The following UPF1 variants were observed in gnomAD, a reference collection of about 807,000 sequenced individuals.
UPF1 encodes the protein regulator of nonsense transcripts 1.
UPF1 carries 9 observed loss-of-function variants against 129.2 expected under a neutral mutation model. That is an observed-to-expected ratio of 0.07 (90% CI 0.04 to 0.12). The LOEUF (loss-of-function observed/expected upper bound fraction) is 0.12, where lower values mean the gene tolerates loss of function less well. UPF1 is among the 10% of genes least tolerant of loss of function. The pLI is 1.00. For missense variants in UPF1, 788 were observed against 1,525.3 expected (o/e 0.52, Z 8.05); for synonymous variants, 649 against 644.9 (o/e 1.01, Z -0.10).
Position 18,865,170 on chromosome 19 carries a change from G to A in UPF1, c.2858-119G>A. 7.7e-7 allele frequency: 1 copy of A among 1,298,834 alleles called. No individual in the cohort carries two copies. Among genetic ancestry groups the A allele is most frequent in the Middle Eastern group, 2.0e-4 (1 of 4,916 alleles). 80.5% of individuals were successfully genotyped at this position (1,298,834 alleles called of 1,614,324 possible). On this transcript the variant is annotated intron_variant, in intron 20 of 23. Coordinates refer to ENST00000262803, the MANE Select transcript of UPF1 (RefSeq NM_002911.4). This position sits in a 1 kb window ranked among gnomAD's most constrained non-coding sequence, Gnocchi z 6.1. Reference sequence around the variant, plus strand: ...GGAGTCCTGCGAATCCGCATCTTCAGCCTGGGCAGAGCCAGGACAGATGTG... The same window carrying A: ...GGAGTCCTGCGAATCCGCATCTTCAACCTGGGCAGAGCCAGGACAGATGTG...
chr19:18,854,969 C>T lies in UPF1; in HGVS notation c.1356C>T (p.Asp452=), dbSNP rs781638590. Residue 452 remains aspartate, a synonymous_variant, in exon 10 of 24, where the codon GAC becomes GAT. Coordinates refer to ENST00000262803, the MANE Select transcript of UPF1 (RefSeq NM_002911.4). ...AGCTGTTGGGCCACGAGGTGGAGGA[C>T]GTAATCATCAAGTGCCAGCTGCCCA... ...YHKLLGHEVE[D]VIIKCQLPKR... 31 of 1,614,114 alleles carry T rather than the reference C, an allele frequency of 1.9e-5. No individual in the cohort carries two copies. The highest frequency in any genetic ancestry group is 1.8e-4 in the East Asian group (8 of 44,902).
At chr19:18,855,785 C>T (rs2145958952) in intron 11 of UPF1, 140 bp from the exon 12 acceptor site, 2 of 1,201,138 alleles carry the variant, frequency 1.7e-6, no homozygotes, top group East Asian at 5.2e-5. Flanking sequence ...GATGTTGAGG[C>T]TGCAATTAGC....
intron 15 of UPF1, among the ~76,000 whole-genome samples, chr19:18,857,967 G>C (rs2055736877): frequency 6.6e-6 from 1 of 152,140 alleles, no homozygotes; most frequent in Non-Finnish European, 1.5e-5. Flanking sequence ...TTTTCACTCT[G>C]CTGACGCTCA....
chr19:18,863,240 ATCAACCCGTGTGCAGGG>A (rs2055801212), intron 18 of UPF1, 181 bp from the exon 19 acceptor site: 1 of 646,584 alleles, frequency 1.5e-6, no homozygotes, highest in African/African-American at 1.8e-5. Flanking sequence ...CGGCCACAAA[ATCAACCCGTGTGCAGGG>A]TCAGTGGCTT....
intron 18 of UPF1, 179 bp from the exon 19 acceptor site, chr19:18,863,259 C>T (rs2055801531): frequency 1.4e-6 from 1 of 739,930 alleles, no homozygotes. Flanking sequence ...TGTGCAGGGT[C>T]AGTGGCTTGG....
chr19:18,845,896 A>G, intron 1 of UPF1, 84 bp from the exon 2 acceptor site: 2 of 1,526,956 alleles, frequency 1.3e-6, no homozygotes, highest in South Asian at 1.3e-5. Flanking sequence ...CCAGGGTGTC[A>G]CACCAGAGTC....
At chr19:18,837,131 C>G (rs958477009) in intron 1 of UPF1, among the ~76,000 whole-genome samples, 2 of 151,976 alleles carry the variant, frequency 1.3e-5, no homozygotes, top group African/African-American at 4.8e-5. Flanking sequence ...ATTCTGTCAC[C>G]CAGGCTGTAG....
intron 18 of UPF1, 82 bp from the exon 19 acceptor site, chr19:18,863,356 T>G: frequency 6.5e-7 from 1 of 1,541,088 alleles, no homozygotes; most frequent in African/African-American, 1.4e-5. Flanking sequence ...GGGTTCTGAG[T>G]GAATGCAGCC....
At position 18,853,200 on chromosome 19, in the gene UPF1, G is replaced by C; in HGVS notation, c.1058-52G>C. Reference sequence around the variant, plus strand: ...CCCTTAATTTGAACTCTCCCTGGTGGAAGCGACGGCGTGGGTTAAAATGGC... The same window carrying C: ...CCCTTAATTTGAACTCTCCCTGGTGCAAGCGACGGCGTGGGTTAAAATGGC... On this transcript the variant is annotated intron_variant, in intron 7 of 23. Coordinates refer to ENST00000262803, the MANE Select transcript of UPF1 (RefSeq NM_002911.4). This position sits in a 1 kb window ranked among gnomAD's most constrained non-coding sequence, Gnocchi z 4.4. The C allele has an allele frequency of 1.9e-6, 3 of 1,598,098 alleles. No individual in the cohort carries two copies. The East Asian group carries it at 6.7e-5, about 36-fold the overall frequency.
chr19:18,860,777 C>A (rs749025240), intron 16 of UPF1, 49 bp from the exon 17 acceptor site: 5 of 1,604,360 alleles, frequency 3.1e-6, no homozygotes, highest in Non-Finnish European at 4.3e-6. Flanking sequence ...AGCCTCAGGG[C>A]TCGGGATCCC....
rs369521945 is a variant in UPF1 at position 18,864,166 on chromosome 19, G to T, written c.2776-4G>T. 2 of 1,613,678 alleles carry T rather than the reference G, an allele frequency of 1.2e-6. No homozygotes were observed. Among genetic ancestry groups the T allele is most frequent in the Non-Finnish European group, 1.7e-6 (2 of 1,179,678 alleles). ...AAATTCCTCACCTATCTAAACCTTC[G>T]CAGGGAGCCCGCTTCATGACCACAG... On this transcript the variant is annotated splice_region_variant and splice_polypyrimidine_tract_variant and intron_variant, in intron 19 of 23. Transcript: ENST00000262803.
In UPF1 at chr19:18,861,207, G is replaced by A. The variant is rs2055775344; in HGVS notation, c.2457+225G>A. Among the ~76,000 whole-genome samples the A allele has an allele frequency of 4.6e-5, 7 of 152,358 alleles. No homozygotes were observed. In the South Asian group the frequency reaches 1.4e-3, roughly 32 times the overall value. Reference sequence around the variant, plus strand: ...GAGACTTTGAGAAATACATCACAGGGATCAGAAACATGGGCTGAGATTGGC... The same window carrying A: ...GAGACTTTGAGAAATACATCACAGGAATCAGAAACATGGGCTGAGATTGGC... On this transcript the variant is annotated intron_variant, in intron 17 of 23. Transcript: ENST00000262803.
chr19:18,849,201 C>T (rs962883028), intron 3 of UPF1: 4 of 152,320 alleles, frequency 2.6e-5, no homozygotes, highest in Non-Finnish European at 1.5e-5. Context: ...TCCTGGGCCT[C>T]GTGGCAGGGA....
chr19:18,834,732 A>C lies in UPF1; in HGVS notation c.231+2292A>C, dbSNP rs536985351. 3.3e-5 allele frequency among the ~76,000 whole-genome samples: 5 copies of C among 152,336 alleles called. No homozygotes were observed. The South Asian group carries it at 8.3e-4, about 25-fold the overall frequency. On this transcript the variant is annotated intron_variant, in intron 1 of 23. Coordinates refer to ENST00000262803, the MANE Select transcript of UPF1 (RefSeq NM_002911.4). ...AATATCATTCAAGGGAAAGCGGAAG[A>C]AAGTTATCTCTTGTGTGAATTGAAG... is the stretch of plus-strand genomic sequence containing the variant.
Position 18,832,158 on chromosome 19 carries a change from G to T in UPF1, c.-52G>T. On this transcript the variant is annotated 5_prime_UTR_variant, in exon 1 of 24. Transcript: ENST00000262803. This position sits in a 1 kb window ranked among gnomAD's most constrained non-coding sequence, Gnocchi z 5.6. The stretch of plus-strand genomic sequence containing the variant: ...CTGCGGCCTAGGCCTCAGCGCGGCG[G>T]CGGGCTCGAGTGCAGCGCGGAACCG... The T allele has an allele frequency of 6.8e-7, 1 of 1,471,726 alleles. No homozygotes were observed. Among genetic ancestry groups the T allele is most frequent in the Non-Finnish European group, 9.1e-7 (1 of 1,103,250 alleles). The allele number at this position is 1,471,726 out of a possible 1,614,324, so 91.2% of individuals were successfully genotyped here.
intron 13 of UPF1, 65 bp downstream of exon 13, chr19:18,856,365 C>T: frequency 6.9e-7 from 1 of 1,440,172 alleles, no homozygotes; most frequent in African/African-American, 1.4e-5. Flanking sequence ...TTGTTTGGGC[C>T]AAAGCACCTA....
chr19:18,865,139 T>A lies in UPF1; in HGVS notation c.2858-150T>A. The A allele has an allele frequency of 9.8e-7, 1 of 1,015,880 alleles. No homozygotes were observed. The highest frequency in any genetic ancestry group is 1.4e-6 in the Non-Finnish European group (1 of 710,884). 62.9% of individuals were successfully genotyped at this position (1,015,880 alleles called of 1,614,324 possible). A position where few individuals can be genotyped will look rare whatever the true frequency, so the allele number is the denominator to read the frequency against. Reference sequence around the variant, plus strand: ...CCAGCCCCAGGCAGGCTGCTGTAGTTAACATGGAGTCCTGCGAATCCGCAT... The same window carrying A: ...CCAGCCCCAGGCAGGCTGCTGTAGTAAACATGGAGTCCTGCGAATCCGCAT... On this transcript the variant is annotated intron_variant, in intron 20 of 23. Transcript: ENST00000262803. The surrounding 1 kb of genome is among the most constrained non-coding windows in gnomAD (Gnocchi z 6.1).
At chr19:18,841,662 A>T (rs1004159311) in intron 1 of UPF1, among the ~76,000 whole-genome samples, 2 of 151,962 alleles carry the variant, frequency 1.3e-5, no homozygotes, top group African/African-American at 4.8e-5. Flanking sequence ...TCATTGTCAC[A>T]CTTCAGCTTC....
Position 18,850,950 on chromosome 19 carries a change from C to G in UPF1, c.810+82C>G. ...GGGAGTGTCTTCAGAGACGGCTTGA[C>G]CCAGTGAGACCGCTGGAGATTCTCT... On this transcript the variant is annotated intron_variant, in intron 5 of 23. Coordinates refer to ENST00000262803, the MANE Select transcript of UPF1 (RefSeq NM_002911.4). This position sits in a 1 kb window ranked among gnomAD's most constrained non-coding sequence, Gnocchi z 7.1. The G allele has an allele frequency of 1.4e-6, 2 of 1,411,154 alleles. No homozygotes were observed. 87.4% of individuals were successfully genotyped at this position (1,411,154 alleles called of 1,614,324 possible).
Sources: allele counts gnomAD v4.1 joint callset (sites outside exome capture counted in the v4.1 genomes callset), GRCh38; gene constraint gnomAD v4.1.1; non-coding constraint Gnocchi (gnomAD v3.1); transcripts MANE v1.5; gene names NCBI Gene and HGNC (gene_info 2026-07-23, HGNC 2026-07-21).